IL1RAPL1: variants seen among roughly 807,000 people sequenced by gnomAD.
IL1RAPL1 encodes interleukin 1 receptor accessory protein like 1.
IL1RAPL1 carries 3 observed loss-of-function variants against 48.4 expected under a neutral mutation model. The observed-to-expected ratio is 0.06, with a 90% CI of 0.03 to 0.16. The LOEUF is 0.16. IL1RAPL1 is among the 10% of genes least tolerant of loss of function. The probability of loss-of-function intolerance (pLI) is 1.00; values close to 1 mark genes in which losing one functional copy is unlikely to be tolerated. For synonymous variants in IL1RAPL1, 185 were observed against 187.7 expected, an observed-to-expected ratio of 0.99 and a Z score of 0.12; for missense variants, 349 against 530.6, an observed-to-expected ratio of 0.66 and a Z score of 3.36.
At chrX:29,221,762 C>T (rs1930985006) in intron 2 of IL1RAPL1, among the ~76,000 whole-genome samples, 1 of 110,269 alleles carries the variant, frequency 9.1e-6, no homozygotes, top group African/African-American at 3.3e-5. Flanking sequence ...CCCGTAATGC[C>T]AGCACTTTGG....
intron 5 of IL1RAPL1, among the ~76,000 whole-genome samples, chrX:29,587,664 A>G (rs771297240): frequency 1.8e-5 from 2 of 112,316 alleles, no homozygotes; most frequent in Non-Finnish European, 3.8e-5. Context: ...CATTTAAAAA[A>G]TAATAAATAA....
At chrX:28,783,150 G>A (rs923220027) in intron 1 of IL1RAPL1, among the ~76,000 whole-genome samples, 1 of 111,308 alleles carries the variant, frequency 9.0e-6, no homozygotes. Context: ...TAGTAACTGC[G>A]CTTACTGCTC....
chrX:29,344,679 C>T (rs1222383197), intron 3 of IL1RAPL1, among the ~76,000 whole-genome samples: 2 of 111,438 alleles, frequency 1.8e-5, no homozygotes, highest in Admixed American at 9.5e-5. Flanking sequence ...GCTCTGTCAC[C>T]CAGGCTGAAG....
chrX:28,813,173 CAT>C (rs1021890303), intron 2 of IL1RAPL1, among the ~76,000 whole-genome samples: 1 of 111,586 alleles, frequency 9.0e-6, no homozygotes, highest in Non-Finnish European at 1.9e-5. Context: ...TCTTTTCTAA[CAT>C]ATGCATGCAG....
At chrX:28,720,420 T>C (rs1935557201) in intron 1 of IL1RAPL1, among the ~76,000 whole-genome samples, 1 of 111,875 alleles carries the variant, frequency 8.9e-6, no homozygotes. Flanking sequence ...GTTAGCTGAT[T>C]TTGAAAAAAG....
intron 4 of IL1RAPL1, among the ~76,000 whole-genome samples, chrX:29,398,950 T>C (rs1933953552): frequency 8.9e-6 from 1 of 112,445 alleles, no homozygotes; most frequent in Non-Finnish European, 1.9e-5. Context: ...AAATGTATAA[T>C]GACCAGTGCA....
intron 5 of IL1RAPL1, among the ~76,000 whole-genome samples, chrX:29,452,324 G>A (rs1028853379): frequency 9.0e-6 from 1 of 111,629 alleles, no homozygotes; most frequent in African/African-American, 3.3e-5. Flanking sequence ...GAAAATTATT[G>A]GTGTGGAAAA....
chrX:28,906,438 C>T (rs1026469318), intron 2 of IL1RAPL1, among the ~76,000 whole-genome samples: 40 of 111,549 alleles, frequency 3.6e-4, no homozygotes, highest in African/African-American at 2.9e-4. Flanking sequence ...AAGTCAGAGA[C>T]GTAATGAGGT....
chrX:29,611,240 G>T (rs1001370364), intron 5 of IL1RAPL1, among the ~76,000 whole-genome samples: 1 of 110,572 alleles, frequency 9.0e-6, no homozygotes, highest in African/African-American at 3.3e-5. Flanking sequence ...TTTACAACCT[G>T]CTCTCTCCCT....
At chrX:29,569,645 C>A (rs66651489) in intron 5 of IL1RAPL1, among the ~76,000 whole-genome samples, 21 of 91,019 alleles carry the variant, frequency 2.3e-4, no homozygotes, top group Admixed American at 5.6e-4. Flanking sequence ...AAAAAAAAAA[C>A]AACTGCCATT....
At chrX:29,603,626 A>G (rs1378499188) in intron 5 of IL1RAPL1, among the ~76,000 whole-genome samples, 1 of 111,755 alleles carries the variant, frequency 8.9e-6, no homozygotes, top group Non-Finnish European at 1.9e-5. Flanking sequence ...TTTGTAGAGA[A>G]GTTTTCAAAA....
At chrX:29,212,978 T>C (rs1362270633) in intron 2 of IL1RAPL1, among the ~76,000 whole-genome samples, 1 of 111,479 alleles carries the variant, frequency 9.0e-6, no homozygotes, top group Non-Finnish European at 1.9e-5. Flanking sequence ...GAGTCAACTG[T>C]ATATTCAGAA....
intron 2 of IL1RAPL1, among the ~76,000 whole-genome samples, chrX:29,118,262 C>T (rs748542509): frequency 1.8e-5 from 2 of 111,805 alleles, no homozygotes; most frequent in African/African-American, 6.5e-5. Context: ...TTGTTAAGTG[C>T]GAAGCTCTGA....
intron 1 of IL1RAPL1, among the ~76,000 whole-genome samples, chrX:28,619,091 A>G (rs981180619): frequency 6.2e-5 from 7 of 112,224 alleles, no homozygotes; most frequent in Admixed American, 1.9e-4. Flanking sequence ...CACTAAGTTA[A>G]AGGATTTATG....
intron 2 of IL1RAPL1, among the ~76,000 whole-genome samples, chrX:28,831,026 C>CTCTCTGTGTGTGTGTG (rs1438889606): frequency 3.0e-5 from 1 of 33,644 alleles, no homozygotes; most frequent in Non-Finnish European, 4.9e-5. Flanking sequence ...CTCTCTCTCT[C>CTCTCTGTGTGTGTGTG]TGTGTGTGTG....
intron 6 of IL1RAPL1, among the ~76,000 whole-genome samples, chrX:29,825,805 C>T (rs1409005217): frequency 9.0e-6 from 1 of 111,613 alleles, no homozygotes; most frequent in African/African-American, 3.3e-5. Context: ...AAACTATTAT[C>T]CTTCTTAAGA....
At chrX:28,696,120 A>G (rs1935227646) in intron 1 of IL1RAPL1, among the ~76,000 whole-genome samples, 1 of 111,577 alleles carries the variant, frequency 9.0e-6, no homozygotes, top group Admixed American at 9.6e-5. Context: ...ATACATAAAT[A>G]TATAACTTGA....
At chrX:29,766,342 A>ATATATATAT (rs1555918099) in intron 6 of IL1RAPL1, among the ~76,000 whole-genome samples, 3 of 47,542 alleles carry the variant, frequency 6.3e-5, no homozygotes, top group African/African-American at 2.7e-4. Flanking sequence ...AAAAAAAAAA[A>ATATATATAT]ATATATATAT....
chrX:29,764,000 C>A (rs1428648752), intron 6 of IL1RAPL1, among the ~76,000 whole-genome samples: 1 of 109,977 alleles, frequency 9.1e-6, no homozygotes, highest in Non-Finnish European at 1.9e-5. Context: ...GAAAAAAATT[C>A]TTTAAATGAG....
Sources: allele counts gnomAD v4.1 joint callset (sites outside exome capture counted in the v4.1 genomes callset), GRCh38; gene constraint gnomAD v4.1.1; transcripts MANE v1.5; gene names NCBI Gene and HGNC (gene_info 2026-07-23, HGNC 2026-07-21).